Variants in CROCC2 observed in about 807,000 individuals in gnomAD.
CROCC2 encodes the protein ciliary rootlet coiled-coil, rootletin family member 2.
In CROCC2, 163 loss-of-function variants were observed where a neutral mutation model predicts 177.6. The observed-to-expected ratio is 0.92, with a 90% CI of 0.81 to 1.05. The LOEUF (loss-of-function observed/expected upper bound fraction) is 1.05. Among genes scored for constraint, CROCC2 ranks in the 50% least tolerant of loss-of-function variants. The pLI, the probability that CROCC2 is intolerant of heterozygous loss-of-function variation, is 0.00. For missense variants in CROCC2, 1,929 were observed against 1,797.8 expected (o/e 1.07, Z -1.32); for synonymous variants, 904 against 787.3 (o/e 1.15, Z -2.48).
chr2:240,926,277 GC>G (rs2059395232), intron 5 of CROCC2, among the ~76,000 whole-genome samples: 1 of 152,218 alleles, frequency 6.6e-6, no homozygotes, highest in Non-Finnish European at 1.5e-5. Context: ...CCTGGCCGTG[GC>G]CCCCCAGGTC....
At chr2:240,964,894 C>T (rs2106479816) in intron 22 of CROCC2, among the ~76,000 whole-genome samples, 1 of 152,168 alleles carries the variant, frequency 6.6e-6, no homozygotes, top group East Asian at 1.9e-4. Flanking sequence ...CGGAAGTATC[C>T]TACATGCAAC....
chr2:240,944,362 A>G (rs2059511283), intron 14 of CROCC2, among the ~76,000 whole-genome samples: 5 of 152,150 alleles, frequency 3.3e-5, no homozygotes, highest in Non-Finnish European at 7.4e-5. Context: ...ATTTTATTAG[A>G]TTTGGAACAT....
intron 14 of CROCC2, among the ~76,000 whole-genome samples, chr2:240,945,533 T>A (rs902957341): frequency 6.6e-6 from 1 of 152,190 alleles, no homozygotes; most frequent in Non-Finnish European, 1.5e-5. Flanking sequence ...AATGAGCAAA[T>A]GCCTTGAGGA....
Position 240,958,454 on chromosome 2 carries a change from C to T in CROCC2, c.2944-847C>T, listed in dbSNP as rs530525685. 16 of 385,992 alleles carry T rather than the reference C, an allele frequency of 4.1e-5. No individual in the cohort carries two copies. Among genetic ancestry groups the T allele is most frequent in the African/African-American group, 3.5e-4 (16 of 45,914 alleles). 23.9% of individuals were successfully genotyped at this position (385,992 alleles called of 1,614,324 possible). On this transcript the variant is annotated intron_variant, in intron 19 of 31. Transcript: ENST00000690015. The surrounding 1 kb of genome is among the most constrained non-coding windows in gnomAD (Gnocchi z 6.7). ...AGGGGGCACAGGCTGCAGGAACCCC[C>T]ACCCTAGCAGAATCCAGGTGGACAG... is the stretch of plus-strand genomic sequence containing the variant.
At chr2:240,912,103 G>C (rs528511563) in intron 1 of CROCC2, among the ~76,000 whole-genome samples, 11 of 152,126 alleles carry the variant, frequency 7.2e-5, no homozygotes, top group African/African-American at 2.7e-4. Context: ...TTACCCTCCC[G>C]CTTCTTTTCC....
At chr2:240,927,027 C>T (rs2059399570) in intron 5 of CROCC2, among the ~76,000 whole-genome samples, 1 of 152,222 alleles carries the variant, frequency 6.6e-6, no homozygotes, top group Non-Finnish European at 1.5e-5. Flanking sequence ...GTTTGGCATT[C>T]GATCACCCAG....
intron 18 of CROCC2, among the ~76,000 whole-genome samples, chr2:240,954,079 A>G (rs1011506169): frequency 2.6e-5 from 4 of 152,200 alleles, no homozygotes; most frequent in Non-Finnish European, 5.9e-5. Flanking sequence ...CAGCCGAGCA[A>G]AACAAGCAGG....
At position 240,992,134 on chromosome 2, in the gene CROCC2, G is replaced by A. The variant is rs375254133; in HGVS notation, c.4946+856G>A. ...CAGGCGGCCATCTTGGGCCTGTGGC[G>A]TGGGCCACCTGTGTCCATCTGCACC... On this transcript the variant is annotated intron_variant, in intron 31 of 31. Coordinates refer to ENST00000690015, the MANE Select transcript of CROCC2 (RefSeq NM_001351305.2). 1.8e-3 allele frequency among the ~76,000 whole-genome samples: 271 copies of A among 152,332 alleles called. 9 individuals are homozygous for A. The South Asian group carries it at 0.053, about 30-fold the overall frequency.
In CROCC2 at chr2:240,972,582, A is replaced by AC. The variant is rs538562429; in HGVS notation, c.4401+4320_4401+4321insC. Among the ~76,000 whole-genome samples, 105 of 151,984 alleles carry AC rather than the reference A, an allele frequency of 6.9e-4. 1 individual carries two copies. In the South Asian group the frequency reaches 0.012, roughly 17 times the overall value. Reference sequence around the variant, plus strand: ...TGGGGGTCCAACTTTGGGTCTCCACAATGAGTGCAGAGGACGTCTCTGACA... The same window carrying AC: ...TGGGGGTCCAACTTTGGGTCTCCACACATGAGTGCAGAGGACGTCTCTGACA... On this transcript the variant is annotated intron_variant, in intron 27 of 31. Coordinates refer to ENST00000690015, the MANE Select transcript of CROCC2 (RefSeq NM_001351305.2). The surrounding 1 kb of genome is among the most constrained non-coding windows in gnomAD (Gnocchi z 7.1).
chr2:240,930,090 C>A, intron 5 of CROCC2, 76 bp from the exon 6 acceptor site: 2 of 519,182 alleles, frequency 3.9e-6, no homozygotes, highest in South Asian at 7.1e-5. Flanking sequence ...GAGGGACATG[C>A]ACTTGGAAAA....
intron 14 of CROCC2, among the ~76,000 whole-genome samples, chr2:240,937,063 C>CAAG (rs1559597466): frequency 6.6e-6 from 1 of 152,112 alleles, no homozygotes. Flanking sequence ...AGGGAACAAC[C>CAAG]AAGCAGCTTT....
At position 240,960,672 on chromosome 2, in the gene CROCC2, G is replaced by A. The variant is rs1016635063; in HGVS notation, c.3087+1228G>A. ...TGCGCAGCTGACCTGGTGCTGGAGC[G>A]AGCGGCTGGCGCACACCACGCCCCA... On this transcript the variant is annotated intron_variant, in intron 20 of 31. Coordinates refer to ENST00000690015, the MANE Select transcript of CROCC2 (RefSeq NM_001351305.2). This position sits in a 1 kb window ranked among gnomAD's most constrained non-coding sequence, Gnocchi z 5.0. 2.0e-5 allele frequency among the ~76,000 whole-genome samples: 3 copies of A among 152,148 alleles called. No individual in the cohort carries two copies. The highest frequency in any genetic ancestry group is 6.5e-5 in the Admixed American group (1 of 15,288).
chr2:240,934,566 TG>T, intron 12 of CROCC2, 91 bp downstream of exon 12: 6 of 1,242,074 alleles, frequency 4.8e-6, no homozygotes, highest in Non-Finnish European at 6.5e-6. Context: ...CCCTCTCTCC[TG>T]CCTGCCGGGC....
At chr2:240,959,611 A>T (rs2059617894) in intron 20 of CROCC2, 167 bp downstream of exon 20, 1 of 885,106 alleles carries the variant, frequency 1.1e-6, no homozygotes, top group African/African-American at 1.7e-5. Context: ...CCATAGGGGC[A>T]TGGGACAAGG....
In CROCC2 at chr2:240,991,207, G is replaced by A. The variant is rs377514338; in HGVS notation, c.4875G>A (p.Leu1625=). ...VKVLEEQVAS[L]KEQLDQEVQW... is the part of the protein sequence containing the mutation. ...TGTCCTGTCCCCAGGTGGCCAGCCT[G>A]AAGGAGCAACTGGACCAGGAAGTGC... Residue 1625 remains leucine (L), a synonymous_variant, in exon 31 of 32, where the codon CTG becomes CTA. Transcript: ENST00000690015. 3.1e-4 allele frequency: 477 copies of A among 1,547,238 alleles called. 12 individuals are homozygous for A. The South Asian group carries it at 5.3e-3, about 17-fold the overall frequency.
In CROCC2 at chr2:240,942,857, T is replaced by C; in HGVS notation, c.2170-3203T>C. 2.0e-5 allele frequency among the ~76,000 whole-genome samples: 3 copies of C among 152,306 alleles called. 1 individual carries two copies. Among genetic ancestry groups the C allele is most frequent in the Middle Eastern group, 6.8e-3 (2 of 294 alleles). On this transcript the variant is annotated intron_variant, in intron 14 of 31. Transcript: ENST00000690015. ...CAGGTTTTATTTTCTTTTTATTTAT[T>C]GTCTTTTTTTTATTATCTTTATTTC...
At chr2:240,967,811 C>A (rs1378276871) in intron 26 of CROCC2, among the ~76,000 whole-genome samples, 1 of 152,186 alleles carries the variant, frequency 6.6e-6, no homozygotes, top group African/African-American at 2.4e-5. Flanking sequence ...GCACCCTCTC[C>A]CCCAGACAGC....
chr2:240,989,691 G>C lies in CROCC2; in HGVS notation c.4721G>C (p.Arg1574Pro). 1 of 1,549,696 alleles carries C rather than the reference G, an allele frequency of 6.5e-7. No individual in the cohort carries two copies. Among genetic ancestry groups the C allele is most frequent in the Non-Finnish European group, 8.7e-7 (1 of 1,146,332 alleles). Residue 1574 changes from arginine to proline, a missense_variant, in exon 30 of 32, where the codon CGG (arginine) becomes CCG (proline). Transcript: ENST00000690015. Reference sequence around the variant, plus strand: ...GAGATGGAGCAGGCCCACACCCAGCGGCTCCAGGACCTGACAGCTCAGCAC... The same window carrying C: ...GAGATGGAGCAGGCCCACACCCAGCCGCTCCAGGACCTGACAGCTCAGCAC... ...MTEMEQAHTQ[R>P]LQDLTAQHQR...
Position 240,978,323 on chromosome 2 carries a change from G to C in CROCC2, c.4402-4557G>C, listed in dbSNP as rs550218231. Among the ~76,000 whole-genome samples, 12 of 48,600 alleles carry C rather than the reference G, an allele frequency of 2.5e-4. 4 individuals carry two copies. Among genetic ancestry groups the C allele is most frequent in the Admixed American group, 2.0e-3 (9 of 4,454 alleles). 31.9% of individuals were successfully genotyped at this position (48,600 alleles called of 152,430 possible). On this transcript the variant is annotated intron_variant, in intron 27 of 31. Coordinates refer to ENST00000690015, the MANE Select transcript of CROCC2 (RefSeq NM_001351305.2). ...CACCCCTCCTCAGTCTCTGGGGTAG[G>C]AGCCTCTGGAGCCCAGGCTCATCCC...
Sources: allele counts gnomAD v4.1 joint callset (sites outside exome capture counted in the v4.1 genomes callset), GRCh38; gene constraint gnomAD v4.1.1; non-coding constraint Gnocchi (gnomAD v3.1); transcripts MANE v1.5; gene names NCBI Gene and HGNC (gene_info 2026-07-23, HGNC 2026-07-21).